Variants in RANBP10 observed in about 807,000 individuals in gnomAD.
RANBP10 encodes RAN binding protein 10.
A neutral mutation model predicts 72.8 loss-of-function variants in RANBP10; 24 were observed. The ratio of observed to expected loss-of-function variants is 0.33; its 90% CI spans 0.24 to 0.46. RANBP10 has a LOEUF of 0.46. RANBP10 is among the 20% of genes least tolerant of loss of function. The pLI, the probability that RANBP10 is intolerant of heterozygous loss-of-function variation, is 1.00. For missense variants in RANBP10, 679 were observed against 817.5 expected (o/e 0.83, Z 2.07); for synonymous variants, 310 against 322.3 (o/e 0.96, Z 0.41).
At position 67,724,389 on chromosome 16, in the gene RANBP10, G is replaced by A. The variant is rs1354470608; in HGVS notation, c.*2039C>T. On this transcript the variant is annotated 3_prime_UTR_variant, in exon 14 of 14. Transcript: ENST00000317506. The stretch of plus-strand genomic sequence containing the variant: ...CCTTATTTGTAGCAAGAGAGGAATG[G>A]GGGAGATGTTCACTGAACCCCATTC... 1 of 152,232 alleles carries A rather than the reference G, an allele frequency of 6.6e-6. No homozygotes were observed. Among genetic ancestry groups the A allele is most frequent in the Non-Finnish European group, 1.5e-5 (1 of 68,046 alleles). The allele number at this position is 152,232 out of a possible 1,614,324, so 9.4% of individuals were successfully genotyped here.
In RANBP10 at chr16:67,806,498, C is replaced by T; in HGVS notation, c.39G>A (p.Pro13=). 6.5e-7 allele frequency: 1 copy of T among 1,532,898 alleles called. No individual in the cohort carries two copies. The highest frequency in any genetic ancestry group is 1.4e-5 in the African/African-American group (1 of 72,440). 95.0% of individuals were successfully genotyped at this position (1,532,898 alleles called of 1,614,324 possible). Residue 13 remains proline (P), a synonymous_variant, in exon 1 of 14, where the codon CCG becomes CCA. Transcript: ENST00000317506. ...AATADPGAGN[P]QPGDSSGGGA... ...CCCCGCCGGAGGAGTCCCCAGGCTGCGGGTTCCCAGCTCCCGGGTCTGCCG... is the reference window on the plus strand; with the variant it reads ...CCCCGCCGGAGGAGTCCCCAGGCTGTGGGTTCCCAGCTCCCGGGTCTGCCG...
intron 3 of RANBP10, among the ~76,000 whole-genome samples, chr16:67,767,846 T>A (rs1158410920): frequency 1.3e-5 from 2 of 152,144 alleles, no homozygotes; most frequent in Non-Finnish European, 2.9e-5. Context: ...TCCACCCGCC[T>A]TGGCCTCCCA....
intron 3 of RANBP10, among the ~76,000 whole-genome samples, chr16:67,765,199 CAAAAAAAAAAAAAA>C (rs569942198): frequency 6.0e-4 from 7 of 11,652 alleles, no homozygotes; most frequent in South Asian, 6.6e-3. Context: ...GACTCCATCT[CAAAAAAAAAAAAAA>C]AAAAAAAAAA....
At chr16:67,778,362 A>G (rs938794519) in intron 2 of RANBP10, among the ~76,000 whole-genome samples, 4 of 152,192 alleles carry the variant, frequency 2.6e-5, no homozygotes, top group African/African-American at 9.6e-5. Flanking sequence ...ATAAAAAAAA[A>G]AAGAAGTTTT....
intron 4 of RANBP10, chr16:67,744,078 C>T (rs1442871581): frequency 1.0e-6 from 1 of 984,448 alleles, no homozygotes; most frequent in Non-Finnish European, 1.2e-6. Flanking sequence ...AGCATCCTCC[C>T]TGGGCTGGAT....
At chr16:67,785,862 T>C (rs2054907502) in intron 2 of RANBP10, among the ~76,000 whole-genome samples, 1 of 149,408 alleles carries the variant, frequency 6.7e-6, no homozygotes, top group Non-Finnish European at 1.5e-5. Context: ...CCGTCTCTAC[T>C]AAAAATACAA....
intron 3 of RANBP10, among the ~76,000 whole-genome samples, chr16:67,766,817 G>T (rs2054511323): frequency 6.6e-6 from 1 of 152,150 alleles, no homozygotes; most frequent in African/African-American, 2.4e-5. Context: ...CCCTGTACTG[G>T]ATCTGACCGG....
At chr16:67,802,375 T>C (rs1482998534) in intron 2 of RANBP10, among the ~76,000 whole-genome samples, 2 of 152,198 alleles carry the variant, frequency 1.3e-5, no homozygotes, top group Non-Finnish European at 2.9e-5. Context: ...CCATGGCTCA[T>C]GCCTGTAATC....
At position 67,729,665 on chromosome 16, in the gene RANBP10, T is replaced by C. The variant is rs1019576456; in HGVS notation, c.1147+15A>G. The stretch of plus-strand genomic sequence containing the variant: ...CACACCAGTTCTTCCCAGAGCCCTC[T>C]GGAGAGTGGCTGACCTGTGTTGTGC... On this transcript the variant is annotated intron_variant, in intron 9 of 13. Transcript: ENST00000317506. This position sits in a 1 kb window ranked among gnomAD's most constrained non-coding sequence, Gnocchi z 7.1. 1.2e-6 allele frequency: 2 copies of C among 1,603,884 alleles called. No homozygotes were observed. Among genetic ancestry groups the C allele is most frequent in the African/African-American group, 2.7e-5 (2 of 74,730 alleles).
intron 3 of RANBP10, among the ~76,000 whole-genome samples, chr16:67,761,336 T>C (rs1047280643): frequency 1.3e-5 from 2 of 152,154 alleles, no homozygotes; most frequent in African/African-American, 2.4e-5. Context: ...GTCTGCCCTC[T>C]GCGTCTAACA....
chr16:67,725,317 G>C lies in RANBP10; in HGVS notation c.*1111C>G, dbSNP rs1040538657. 1 of 152,434 alleles carries C rather than the reference G, an allele frequency of 6.6e-6. No homozygotes were observed. Among genetic ancestry groups the C allele is most frequent in the Admixed American group, 6.5e-5 (1 of 15,282 alleles). The allele number at this position is 152,434 out of a possible 1,614,324, so 9.4% of individuals were successfully genotyped here. ...CAAGGTACTGGTTTCTCAACAGAAA[G>C]CATCCATTCTCTCAGAGCTGTGCAG... On this transcript the variant is annotated 3_prime_UTR_variant, in exon 14 of 14. Transcript: ENST00000317506.
intron 2 of RANBP10, among the ~76,000 whole-genome samples, chr16:67,799,203 T>C (rs1241945506): frequency 6.6e-6 from 1 of 151,794 alleles, no homozygotes. Flanking sequence ...CCTAAAGTAC[T>C]GGGATTACAG....
In RANBP10 at chr16:67,724,630, C is replaced by T. The variant is rs1343567976; in HGVS notation, c.*1798G>A. ...AAAGCAGCAGCTATAGGATCATTTC[C>T]CAAGGCAGAATTCTGACAGCACAGG... On this transcript the variant is annotated 3_prime_UTR_variant, in exon 14 of 14. Coordinates refer to ENST00000317506, the MANE Select transcript of RANBP10 (RefSeq NM_020850.3). The T allele has an allele frequency of 2.0e-5, 3 of 152,250 alleles. No homozygotes were observed. Among genetic ancestry groups the T allele is most frequent in the Non-Finnish European group, 2.9e-5 (2 of 68,072 alleles). 9.4% of individuals were successfully genotyped at this position (152,250 alleles called of 1,614,324 possible).
intron 2 of RANBP10, among the ~76,000 whole-genome samples, chr16:67,803,728 G>T (rs2055278194): frequency 6.6e-6 from 1 of 151,114 alleles, no homozygotes; most frequent in African/African-American, 2.4e-5. Context: ...AGGCTGAGGT[G>T]GGAGGATAAC....
Position 67,788,748 on chromosome 16 carries a change from T to A in RANBP10, c.348-16662A>T, listed in dbSNP as rs141255957. ...GCGCACAGTGGCTCACACCTATAAT[T>A]CCAGCACTTTGGGAGGCCGAGACGG... On this transcript the variant is annotated intron_variant, in intron 2 of 13. Transcript: ENST00000317506. Among the ~76,000 whole-genome samples, 1,078 of 149,376 alleles carry A rather than the reference T, an allele frequency of 7.2e-3. 17 individuals are homozygous for A. The Middle Eastern group carries it at 0.073, about 10-fold the overall frequency.
intron 6 of RANBP10, among the ~76,000 whole-genome samples, chr16:67,732,257 G>A (rs1342131149): frequency 6.6e-6 from 1 of 152,210 alleles, no homozygotes; most frequent in African/African-American, 2.4e-5. Context: ...CAGCAGCAGG[G>A]CCAATGGGAA....
chr16:67,803,650 CAAAAAA>C (rs1184321273), intron 2 of RANBP10, among the ~76,000 whole-genome samples: 2 of 47,082 alleles, frequency 4.2e-5, no homozygotes, highest in African/African-American at 6.5e-5. Context: ...AACTCCGTCT[CAAAAAA>C]AAAAAAAAAA....
intron 2 of RANBP10, among the ~76,000 whole-genome samples, chr16:67,805,226 C>T (rs1400560531): frequency 6.6e-6 from 1 of 152,164 alleles, no homozygotes; most frequent in Admixed American, 6.6e-5. Flanking sequence ...AAAATAATCC[C>T]TGCTTTACCC....
intron 3 of RANBP10, among the ~76,000 whole-genome samples, chr16:67,761,557 AT>A (rs780769925): frequency 1.3e-5 from 2 of 152,148 alleles, no homozygotes; most frequent in Non-Finnish European, 2.9e-5. Flanking sequence ...ACACATAAAC[AT>A]TTATATATTT....
Sources: gnomAD v4.1 joint callset for allele counts (sites outside exome capture counted in the v4.1 genomes callset) on GRCh38, gnomAD v4.1.1 for gene constraint, Gnocchi (gnomAD v3.1) non-coding constraint, MANE v1.5 for transcripts, NCBI Gene and HGNC (gene_info 2026-07-23, HGNC 2026-07-21) for gene names.